Variants in SNRK observed in about 807,000 individuals in gnomAD.
The protein encoded by SNRK is SNF related kinase, also known as SNF-related serine/threonine-protein kinase.
SNRK carries 3 observed loss-of-function variants against 48.2 expected under a neutral mutation model. That is an observed-to-expected ratio of 0.06 (90% CI 0.03 to 0.16). The LOEUF (loss-of-function observed/expected upper bound fraction) is 0.16, where lower values mean the gene tolerates loss of function less well. SNRK is among the 10% of genes least tolerant of loss of function. SNRK has a pLI of 1.00. For missense variants in SNRK, 627 were observed against 976.0 expected (o/e 0.64, Z 4.76); for synonymous variants, 376 against 366.1 (o/e 1.03, Z -0.31).
At chr3:43,304,222 A>G (rs889788556) in intron 3 of SNRK, among the ~76,000 whole-genome samples, 1 of 152,194 alleles carries the variant, frequency 6.6e-6, no homozygotes, top group African/African-American at 2.4e-5. Flanking sequence ...TATTAGAATC[A>G]TTTATTAACT....
rs966017318 is a variant in SNRK at position 43,349,147 on chromosome 3, A to G, written c.*590A>G. 6.5e-6 allele frequency: 1 copy of G among 152,682 alleles called. No homozygotes were observed. The highest frequency in any genetic ancestry group is 2.4e-5 in the African/African-American group (1 of 41,462). The allele number at this position is 152,682 out of a possible 1,614,324, so 9.5% of individuals were successfully genotyped here. A position where few individuals can be genotyped will look rare whatever the true frequency, so the allele number is the denominator to read the frequency against. On this transcript the variant is annotated 3_prime_UTR_variant, in exon 7 of 7. Coordinates refer to ENST00000296088, the MANE Select transcript of SNRK (RefSeq NM_017719.5). ...TACCCACACCTGTTTGTCTTAAGCT[A>G]TAGTGTAAAAACAAAGTTTGGGCTC... is the stretch of plus-strand genomic sequence containing the variant.
intron 4 of SNRK, among the ~76,000 whole-genome samples, chr3:43,335,194 C>T (rs2091177216): frequency 6.6e-6 from 1 of 152,048 alleles, no homozygotes; most frequent in South Asian, 2.1e-4. Context: ...CACAAATTTC[C>T]CTTTTCTGTT....
chr3:43,290,293 T>C (rs2090801135), intron 1 of SNRK, among the ~76,000 whole-genome samples: 1 of 152,254 alleles, frequency 6.6e-6, no homozygotes, highest in Non-Finnish European at 1.5e-5. Flanking sequence ...CAGCTTGTTA[T>C]GGAAACCACA....
rs115649530 is a variant in SNRK, at chr3:43,336,497, A to G, written c.732-3790A>G. On this transcript the variant is annotated intron_variant, in intron 4 of 6. Coordinates refer to ENST00000296088, the MANE Select transcript of SNRK (RefSeq NM_017719.5). ...CAGGTGTGTGCCACCATGCCTGGCTAATATTTAAACTTTTTGTAGAGACCG... is the reference window on the plus strand; with the variant it reads ...CAGGTGTGTGCCACCATGCCTGGCTGATATTTAAACTTTTTGTAGAGACCG... Among the ~76,000 whole-genome samples, 995 of 152,072 alleles carry G rather than the reference A, an allele frequency of 6.5e-3. 12 individuals are homozygous for G. Among genetic ancestry groups the G allele is most frequent in the African/African-American group, 0.023 (941 of 41,486 alleles).
intron 3 of SNRK, among the ~76,000 whole-genome samples, chr3:43,329,159 C>G (rs888897219): frequency 6.6e-6 from 1 of 151,984 alleles, no homozygotes; most frequent in Non-Finnish European, 1.5e-5. Flanking sequence ...TAAAATTATT[C>G]AAAGACAAAA....
intron 2 of SNRK, among the ~76,000 whole-genome samples, chr3:43,300,545 A>G (rs1199546539): frequency 6.6e-6 from 1 of 152,128 alleles, no homozygotes; most frequent in African/African-American, 2.4e-5. Context: ...ACTTGGGTGG[A>G]ATTTTAAGCA....
At chr3:43,329,755 G>A (rs540062869) in intron 3 of SNRK, among the ~76,000 whole-genome samples, 23 of 152,116 alleles carry the variant, frequency 1.5e-4, no homozygotes, top group African/African-American at 5.5e-4. Flanking sequence ...ATAACAAGCC[G>A]AGTGTGTTAA....
At chr3:43,290,390 G>A (rs1412429534) in intron 1 of SNRK, among the ~76,000 whole-genome samples, 1 of 152,136 alleles carries the variant, frequency 6.6e-6, no homozygotes, top group East Asian at 1.9e-4. Flanking sequence ...CTTTCTGCTA[G>A]CATGTTGTAG....
At chr3:43,343,308 TA>T (rs755295333) in intron 5 of SNRK, 35 bp from the exon 6 acceptor site, 3 of 1,553,238 alleles carry the variant, frequency 1.9e-6, no homozygotes, top group Non-Finnish European at 2.6e-6. Context: ...AACCTCCTGA[TA>T]TGGCTGACGT....
intron 1 of SNRK, among the ~76,000 whole-genome samples, chr3:43,297,597 C>T (rs377558853): frequency 6.6e-6 from 1 of 151,744 alleles, no homozygotes; most frequent in East Asian, 1.9e-4. Flanking sequence ...TCCTCCCCCC[C>T]TTTTTTACTA....
intron 3 of SNRK, among the ~76,000 whole-genome samples, chr3:43,306,730 C>T (rs976462292): frequency 4.6e-5 from 7 of 152,138 alleles, no homozygotes; most frequent in Non-Finnish European, 1.0e-4. Context: ...TCCCTGATGA[C>T]ATTCTAGGGG....
intron 1 of SNRK, among the ~76,000 whole-genome samples, chr3:43,288,819 T>TA (rs2090787259): frequency 6.6e-6 from 1 of 152,236 alleles, no homozygotes; most frequent in Admixed American, 6.5e-5. Flanking sequence ...TGCTTAAAGA[T>TA]AGAGTGTTTA....
intron 4 of SNRK, among the ~76,000 whole-genome samples, chr3:43,335,123 G>A (rs760789710): frequency 9.9e-5 from 15 of 151,680 alleles, no homozygotes; most frequent in Non-Finnish European, 1.5e-4. Flanking sequence ...GTAGTATTTC[G>A]TGCCACTCAC....
chr3:43,288,799 C>T (rs1158711328), intron 1 of SNRK, among the ~76,000 whole-genome samples: 2 of 152,168 alleles, frequency 1.3e-5, no homozygotes, highest in Non-Finnish European at 2.9e-5. Context: ...GTAACTGCAT[C>T]CCAGCTGTTT....
intron 4 of SNRK, chr3:43,332,584 T>C (rs2125639530): frequency 4.4e-6 from 1 of 226,488 alleles, no homozygotes; most frequent in Middle Eastern, 1.4e-3. Context: ...ACATGCCTCT[T>C]CAACCTTCAG....
intron 3 of SNRK, among the ~76,000 whole-genome samples, chr3:43,326,759 GA>G (rs150710849): frequency 8.5e-5 from 13 of 152,064 alleles, no homozygotes; most frequent in African/African-American, 2.2e-4. Flanking sequence ...AAACTTGGGG[GA>G]AAAAAATGAT....
chr3:43,347,974 G>A lies in SNRK; in HGVS notation c.1715G>A (p.Gly572Glu). 6.2e-7 allele frequency: 1 copy of A among 1,614,044 alleles called. No homozygotes were observed. Among genetic ancestry groups the A allele is most frequent in the Non-Finnish European group, 8.5e-7 (1 of 1,180,024 alleles). The change falls in exon 7 of 7, where the codon GGG becomes GAG. Residue 572 changes from glycine (G) to glutamate (E), a missense_variant. Around this residue, in one of 4 missense-constraint regions of SNRK, gnomAD observed 98 missense variants for 175.2 expected, o/e 0.56. Coordinates refer to ENST00000296088, the MANE Select transcript of SNRK (RefSeq NM_017719.5). The surrounding 1 kb of genome is among the most constrained non-coding windows in gnomAD (Gnocchi z 5.4). ...TGGCACCGACGGGATAGCAGCGAGG[G>A]GCCCCCTGGCAGTGAGGGGGATGGC... ...YSWHRRDSSE[G>E]PPGSEGDGGG...
chr3:43,291,995 T>C (rs998001779), intron 1 of SNRK, among the ~76,000 whole-genome samples: 22 of 152,244 alleles, frequency 1.4e-4, no homozygotes, highest in Admixed American at 9.8e-4. Flanking sequence ...TTAAATGATA[T>C]AATGTAAAAA....
chr3:43,304,860 G>A (rs2090925087), intron 3 of SNRK, among the ~76,000 whole-genome samples: 1 of 152,046 alleles, frequency 6.6e-6, no homozygotes. Context: ...AAAAGAAAGG[G>A]TTAATGAGCA....
Sources: allele counts gnomAD v4.1 joint callset (sites outside exome capture counted in the v4.1 genomes callset), GRCh38; gene constraint gnomAD v4.1.1; regional missense constraint gnomAD v4.1.1; non-coding constraint Gnocchi (gnomAD v3.1); transcripts MANE v1.5; gene names NCBI Gene and HGNC (gene_info 2026-07-23, HGNC 2026-07-21).